Variants in UBE2J1 observed in about 807,000 individuals in gnomAD.
UBE2J1 encodes ubiquitin conjugating enzyme E2 J1.
In UBE2J1, 17 loss-of-function variants were observed where a neutral mutation model predicts 42.1. That is an observed-to-expected ratio of 0.40 (90% CI 0.28 to 0.61). UBE2J1 has a LOEUF of 0.61. Among genes scored for constraint, UBE2J1 ranks in the 20% least tolerant of loss-of-function variants. UBE2J1 has a pLI of 0.38. For missense variants in UBE2J1, 291 were observed against 389.4 expected (o/e 0.75, Z 2.13); for synonymous variants, 127 against 137.2 (o/e 0.93, Z 0.52).
chr6:89,350,621 G>C (rs1768457106), intron 1 of UBE2J1, among the ~76,000 whole-genome samples: 1 of 151,652 alleles, frequency 6.6e-6, no homozygotes, highest in African/African-American at 2.4e-5. Flanking sequence ...CACTATCTTT[G>C]AGGAAATGAA....
In UBE2J1 at chr6:89,328,627, C is replaced by T. The variant is rs370846487; in HGVS notation, c.*1052G>A. 2 of 152,140 alleles carry T rather than the reference C, an allele frequency of 1.3e-5. No individual in the cohort carries two copies. The highest frequency in any genetic ancestry group is 2.9e-5 in the Non-Finnish European group (2 of 68,028). The allele number at this position is 152,140 out of a possible 1,614,324, so 9.4% of individuals were successfully genotyped here. A position where few individuals can be genotyped will look rare whatever the true frequency, so the allele number is the denominator to read the frequency against. The stretch of plus-strand genomic sequence containing the variant: ...TAATATTATCTACTAGAGTCTGTGG[C>T]GCTAGCTAGCACTAAGTTATATATT... On this transcript the variant is annotated 3_prime_UTR_variant, in exon 8 of 8. Coordinates refer to ENST00000435041, the MANE Select transcript of UBE2J1 (RefSeq NM_016021.3).
Position 89,329,700 on chromosome 6 carries a change from G to A in UBE2J1, c.936C>T (p.Tyr312=). The stretch of plus-strand genomic sequence containing the variant: ...CATATTATAACTCAAAGTCAAATAT[G>A]TATTCGTTTGCCAGATATATTCGTC... ...IFRRIYLANE[Y]IFDFEL Residue 312 remains tyrosine (Y), a synonymous_variant, in exon 8 of 8, where the codon TAC becomes TAT. Coordinates refer to ENST00000435041, the MANE Select transcript of UBE2J1 (RefSeq NM_016021.3). 1 of 1,614,056 alleles carries A rather than the reference G, an allele frequency of 6.2e-7. No individual in the cohort carries two copies. Among genetic ancestry groups the A allele is most frequent in the Non-Finnish European group, 8.5e-7 (1 of 1,179,974 alleles).
At chr6:89,341,929 A>G (rs961065540) in intron 3 of UBE2J1, among the ~76,000 whole-genome samples, 1 of 152,196 alleles carries the variant, frequency 6.6e-6, no homozygotes, top group Non-Finnish European at 1.5e-5. Flanking sequence ...CATTATTCTC[A>G]TTGTAAAGAT....
chr6:89,334,002 T>TATG lies in UBE2J1; in HGVS notation c.559-798_559-797insCAT, dbSNP rs547608284. ...TTTACGTCTGTATGTATGTATGTATTTATTTATTTATATTTTTTTGAGATG... is the reference window on the plus strand; with the variant it reads ...TTTACGTCTGTATGTATGTATGTATTATGTATTTATTTATATTTTTTTGAGATG... On this transcript the variant is annotated intron_variant, in intron 6 of 7. Coordinates refer to ENST00000435041, the MANE Select transcript of UBE2J1 (RefSeq NM_016021.3). Among the ~76,000 whole-genome samples, 569 of 151,986 alleles carry TATG rather than the reference T, an allele frequency of 3.7e-3. 1 individual carries two copies. Among genetic ancestry groups the TATG allele is most frequent in the African/African-American group, 0.013 (542 of 41,422 alleles).
chr6:89,340,406 C>G (rs184690821), intron 3 of UBE2J1, among the ~76,000 whole-genome samples: 1 of 152,196 alleles, frequency 6.6e-6, no homozygotes, highest in Non-Finnish European at 1.5e-5. Context: ...TCCCCGAAGA[C>G]CACTTAGCTC....
At chr6:89,331,198 C>T (rs189965934) in intron 7 of UBE2J1, among the ~76,000 whole-genome samples, 49 of 152,242 alleles carry the variant, frequency 3.2e-4, no homozygotes, top group African/African-American at 1.1e-3. Context: ...AAAATAACCA[C>T]CCTTAGCCAA....
At chr6:89,350,011 G>GATCCATAAACAACTACTGACAA (rs1554201727) in intron 1 of UBE2J1, among the ~76,000 whole-genome samples, 1 of 151,240 alleles carries the variant, frequency 6.6e-6, no homozygotes, top group Non-Finnish European at 1.5e-5. Context: ...CAAGTAGCAT[G>GATCCATAAACAACTACTGACAA]ATCCATAGAC....
Position 89,338,459 on chromosome 6 carries a change from T to C in UBE2J1, c.322A>G (p.Ile108Val), listed in dbSNP as rs1045774434. 1 of 1,609,842 alleles carries C rather than the reference T, an allele frequency of 6.2e-7. No individual in the cohort carries two copies. Residue 108 changes from isoleucine to valine, a missense_variant and splice_region_variant, in exon 4 of 8, where the codon ATA (isoleucine) becomes GTA (valine). Coordinates refer to ENST00000435041, the MANE Select transcript of UBE2J1 (RefSeq NM_016021.3). ...ATATTCACTATAAATTAACACTTAC[T>C]ACTCCACGAAGGCTGCCAAGTTTCA... The part of the protein sequence containing the change: ...HPETWQPSWS[I>V]RTALLAIIGF...
chr6:89,340,052 A>G (rs1304532828), intron 3 of UBE2J1, among the ~76,000 whole-genome samples: 1 of 151,802 alleles, frequency 6.6e-6, no homozygotes, highest in Non-Finnish European at 1.5e-5. Context: ...AAGAGAAGAC[A>G]TTCAAGAGGC....
At position 89,335,359 on chromosome 6, in the gene UBE2J1, G is replaced by T. The variant is rs572279887; in HGVS notation, c.501C>A (p.Ser167Arg). 6 of 1,608,560 alleles carry T rather than the reference G, an allele frequency of 3.7e-6. No homozygotes were observed. Among genetic ancestry groups the T allele is most frequent in the Non-Finnish European group, 5.1e-6 (6 of 1,176,500 alleles). Residue 167 changes from serine to arginine, a missense_variant, in exon 6 of 8, where the codon AGC becomes AGA. Physicochemically the swap from Ser to Arg is moderately radical, Grantham distance 110. Coordinates refer to ENST00000435041, the MANE Select transcript of UBE2J1 (RefSeq NM_016021.3). ...CTTCTTGGTCAGCTTGGCTTGAATC[G>T]CTTCCAGATTTTAAAGGCAACAGGA... ...KDVLLPLKSG[S>R]DSSQADQEAK...
rs6931561 is a variant in UBE2J1 at position 89,329,237 on chromosome 6, T to C, written c.*442A>G. ...TTTAAGGAAGCTACTTGAGGAGTTT[T>C]GCTTTCCCTTTTCAACTCTTCTATC... On this transcript the variant is annotated 3_prime_UTR_variant, in exon 8 of 8. Transcript: ENST00000435041. 0.051 allele frequency: 8,079 copies of C among 157,898 alleles called. 732 individuals carry two copies. The highest frequency in any genetic ancestry group is 0.18 in the African/African-American group (7,671 of 41,548). 9.8% of individuals were successfully genotyped at this position (157,898 alleles called of 1,614,324 possible).
At chr6:89,339,892 T>C (rs1768210618) in intron 3 of UBE2J1, among the ~76,000 whole-genome samples, 1 of 151,942 alleles carries the variant, frequency 6.6e-6, no homozygotes, top group Non-Finnish European at 1.5e-5. Context: ...TATGTGTGAC[T>C]ATAGTCTCAG....
chr6:89,338,582 G>A (rs769575395), intron 3 of UBE2J1, 39 bp from the exon 4 acceptor site: 11 of 1,128,128 alleles, frequency 9.8e-6, no homozygotes, highest in Non-Finnish European at 1.1e-5. Flanking sequence ...TTAAATACAT[G>A]TGCTTAATGT....
chr6:89,351,938 C>T (rs574969698), intron 1 of UBE2J1, among the ~76,000 whole-genome samples: 7 of 152,310 alleles, frequency 4.6e-5, no homozygotes, highest in Admixed American at 6.5e-5. Context: ...TCATATTAGC[C>T]AGTCTGGCAA....
intron 1 of UBE2J1, among the ~76,000 whole-genome samples, chr6:89,345,471 G>A (rs1012868909): frequency 6.6e-5 from 10 of 151,882 alleles, no homozygotes; most frequent in South Asian, 2.1e-4. Context: ...GCATGGTGGC[G>A]GACGCCTGTA....
intron 1 of UBE2J1, among the ~76,000 whole-genome samples, chr6:89,345,571 C>T (rs1768347520): frequency 6.6e-6 from 1 of 150,936 alleles, no homozygotes; most frequent in African/African-American, 2.4e-5. Context: ...CATTGCACTC[C>T]AGCCTGGGCT....
intron 2 of UBE2J1, among the ~76,000 whole-genome samples, chr6:89,343,175 G>A (rs559800235): frequency 1.3e-5 from 2 of 152,050 alleles, no homozygotes; most frequent in Non-Finnish European, 2.9e-5. Flanking sequence ...AGTGGCTCAC[G>A]CCTGTAATCC....
intron 1 of UBE2J1, among the ~76,000 whole-genome samples, chr6:89,347,936 A>C (rs973331173): frequency 1.3e-4 from 20 of 152,172 alleles, no homozygotes; most frequent in Admixed American, 1.3e-3. Context: ...CTGGTATATA[A>C]GGCCTTCTCA....
At chr6:89,338,996 T>C (rs912977224) in intron 3 of UBE2J1, among the ~76,000 whole-genome samples, 4 of 152,070 alleles carry the variant, frequency 2.6e-5, no homozygotes, top group African/African-American at 7.2e-5. Context: ...TAACCTCTCA[T>C]GGGACACAGA....
Sources: gnomAD v4.1 joint callset for allele counts (sites outside exome capture counted in the v4.1 genomes callset) on GRCh38, gnomAD v4.1.1 for gene constraint, MANE v1.5 for transcripts, NCBI Gene and HGNC (gene_info 2026-07-23, HGNC 2026-07-21) for gene names.